Variants in MACF1 observed in about 807,000 individuals in gnomAD.
The protein encoded by MACF1 is microtubule-actin cross-linking factor 1.
A neutral mutation model predicts 854.8 loss-of-function variants in MACF1; 193 were observed. That is an observed-to-expected ratio of 0.23 (90% CI 0.20 to 0.25). The LOEUF (loss-of-function observed/expected upper bound fraction) is 0.25. Ranked by LOEUF, MACF1 falls within the 10% of genes least tolerant of loss-of-function variation. MACF1 has a pLI of 1.00. For missense variants in MACF1, 7,722 were observed against 8,929.1 expected (o/e 0.86, Z 5.45); for synonymous variants, 3,185 against 3,226.7 (o/e 0.99, Z 0.44).
Position 39,285,163 on chromosome 1 carries a change from C to T in MACF1, c.1212C>T (p.Ile404=), listed in dbSNP as rs545687843. 3 of 1,614,180 alleles carry T rather than the reference C, an allele frequency of 1.9e-6. No individual in the cohort carries two copies. In the South Asian group the frequency reaches 3.3e-5, roughly 18 times the overall value. The change falls in exon 12 of 101, where the codon ATC becomes ATT. Residue 404 remains isoleucine (I), a synonymous_variant. Coordinates refer to ENST00000564288, the MANE Select transcript of MACF1 (RefSeq NM_001394062.1). The stretch of plus-strand genomic sequence containing the variant: ...TGGAAGAAGAGTGGGGAAAGCTCAT[C>T]ATAGAGATGCTGGAACGAGAGAAAT... ...NDVEEEWGKL[I]IEMLEREKSL...
chr1:39,364,659 A>ATT (rs1648524061), intron 49 of MACF1, among the ~76,000 whole-genome samples: 1 of 151,024 alleles, frequency 6.6e-6, no homozygotes, highest in Non-Finnish European at 1.5e-5. Context: ...CGCCTGGCTA[A>ATT]TTTTTTGTAT....
chr1:39,463,684 C>A lies in MACF1; in HGVS notation c.21751C>A (p.Arg7251=). The A allele has an allele frequency of 6.2e-7, 1 of 1,611,850 alleles. No individual in the cohort carries two copies. The highest frequency in any genetic ancestry group is 1.1e-5 in the South Asian group (1 of 91,034). Residue 7251 remains arginine, a splice_region_variant and synonymous_variant, in exon 94 of 101, where the codon CGG becomes AGG. Transcript: ENST00000564288. ...GGAGCAGATCGGAGAGAATAAATAC[C>A]GGGTAAGGAAGAGAAAAAGCAGTCC... ...QVEQIGENKY[R]FFLGNQFGDS...
intron 58 of MACF1, among the ~76,000 whole-genome samples, chr1:39,389,947 C>A (rs1361074320): frequency 6.6e-6 from 1 of 152,152 alleles, no homozygotes; most frequent in Non-Finnish European, 1.5e-5. Context: ...TGCAAAAATA[C>A]TTTAATTCTT....
At chr1:39,258,193 T>C (rs1357077067) in intron 6 of MACF1, among the ~76,000 whole-genome samples, 165 bp downstream of exon 6, 1 of 152,252 alleles carries the variant, frequency 6.6e-6, no homozygotes, top group African/African-American at 2.4e-5. Flanking sequence ...GCAGACAAGC[T>C]GTTGTATCGT....
chr1:39,337,008 G>A (rs1267246134), intron 37 of MACF1, among the ~76,000 whole-genome samples, 174 bp from the exon 38 acceptor site: 1 of 152,154 alleles, frequency 6.6e-6, no homozygotes, highest in Non-Finnish European at 1.5e-5. Context: ...GAGGAAATTG[G>A]TAAAATCACC....
chr1:39,327,074 A>C, intron 35 of MACF1, 144 bp from the exon 36 acceptor site: 1 of 735,272 alleles, frequency 1.4e-6, no homozygotes, highest in Non-Finnish European at 2.1e-6. Flanking sequence ...AAACAGAAGA[A>C]CTGACTGAAA....
At chr1:39,095,151 G>A (rs180846242) in intron 2 of MACF1, among the ~76,000 whole-genome samples, 74 of 152,250 alleles carry the variant, frequency 4.9e-4, no homozygotes, top group African/African-American at 1.7e-3. Context: ...CTAACAGTGT[G>A]GAAACCCAGC....
Position 39,442,313 on chromosome 1 carries a change from A to G in MACF1, c.18941A>G (p.His6314Arg), listed in dbSNP as rs767135677. The change falls in exon 76 of 101, where the codon CAC (histidine) becomes CGC (arginine). Residue 6314 changes from histidine (H) to arginine (R), a missense_variant. By Grantham distance (29) the His-to-Arg change is conservative (BLOSUM62 0). Transcript: ENST00000564288. ...LWENLGEKIAHRQHKLEGALL... is the reference protein window; with the variant it reads ...LWENLGEKIARRQHKLEGALL... The stretch of plus-strand genomic sequence containing the variant: ...GAGAACCTGGGTGAGAAAATTGCCC[A>G]CCGACAGGTAAGGCAGGTGGTAGAT... 6.3e-7 allele frequency: 1 copy of G among 1,594,898 alleles called. No individual in the cohort carries two copies. The highest frequency in any genetic ancestry group is 8.5e-7 in the Non-Finnish European group (1 of 1,173,132).
At chr1:39,125,246 A>G (rs1642827602) in intron 2 of MACF1, among the ~76,000 whole-genome samples, 1 of 152,190 alleles carries the variant, frequency 6.6e-6, no homozygotes, top group African/African-American at 2.4e-5. Context: ...TTATCTAGGG[A>G]ATTGGTTCAA....
At chr1:39,280,069 T>A (rs2148376654) in intron 6 of MACF1, among the ~76,000 whole-genome samples, 1 of 152,158 alleles carries the variant, frequency 6.6e-6, no homozygotes, top group Non-Finnish European at 1.5e-5. Flanking sequence ...AGAATACTTT[T>A]TTTTTTTGAG....
At position 39,486,638 on chromosome 1, in the gene MACF1, A is replaced by G. The variant is rs1645103612; in HGVS notation, c.*844A>G. ...TCCACTTTTTTTGCTATTTATTTAA[A>G]TGGTCGATCAACTTCCCACAAACTG... On this transcript the variant is annotated 3_prime_UTR_variant, in exon 101 of 101. Transcript: ENST00000564288. 6.6e-6 allele frequency: 1 copy of G among 152,656 alleles called. No individual in the cohort carries two copies. The highest frequency in any genetic ancestry group is 1.5e-5 in the Non-Finnish European group (1 of 68,050). The allele number at this position is 152,656 out of a possible 1,614,324, so 9.5% of individuals were successfully genotyped here. A position where few individuals can be genotyped will look rare whatever the true frequency, so the allele number is the denominator to read the frequency against.
intron 58 of MACF1, among the ~76,000 whole-genome samples, chr1:39,406,183 T>C (rs1642692156): frequency 1.3e-5 from 2 of 152,336 alleles, no homozygotes; most frequent in East Asian, 1.9e-4. Flanking sequence ...AATTTCTCTT[T>C]AGGTTGTATT....
intron 2 of MACF1, among the ~76,000 whole-genome samples, chr1:39,128,723 T>C (rs1642925052): frequency 1.3e-5 from 2 of 152,156 alleles, no homozygotes; most frequent in African/African-American, 4.8e-5. Context: ...ATTTCTGCTA[T>C]TGCACCCTTT....
chr1:39,311,012 G>A lies in MACF1; in HGVS notation c.3270+12G>A, dbSNP rs769740084. 4 of 1,606,114 alleles carry A rather than the reference G, an allele frequency of 2.5e-6. No homozygotes were observed. The highest frequency in any genetic ancestry group is 3.4e-6 in the Non-Finnish European group (4 of 1,176,444). On this transcript the variant is annotated intron_variant, in intron 26 of 100. Transcript: ENST00000564288. ...TTGCAGAGCAAGAGGTAAGCCCTAA[G>A]AGCCATGTGGATGCTGGTTGTGGAG...
chr1:39,213,127 T>A (rs892804041), intron 1 of MACF1, among the ~76,000 whole-genome samples: 2 of 152,236 alleles, frequency 1.3e-5, no homozygotes, highest in African/African-American at 2.4e-5. Flanking sequence ...CTAGAATTTT[T>A]ATCTCTAAAA....
chr1:39,429,441 A>G, intron 64 of MACF1, 115 bp downstream of exon 64: 1 of 660,480 alleles, frequency 1.5e-6, no homozygotes, highest in Non-Finnish European at 2.7e-6. Flanking sequence ...GAAGCTTAGT[A>G]TTCACTGATT....
chr1:39,204,674 T>G (rs1261125641), upstream of MACF1: 2 of 190,818 alleles, frequency 1.0e-5, no homozygotes, highest in African/African-American at 2.3e-5. Flanking sequence ...TTATTTAAGC[T>G]GAGCAGAGGA....
intron 2 of MACF1, among the ~76,000 whole-genome samples, chr1:39,106,383 A>G (rs1642238673): frequency 6.6e-6 from 1 of 152,120 alleles, no homozygotes. Flanking sequence ...CTCTCTTGCG[A>G]GACACTTCTG....
At chr1:39,395,256 C>A (rs1642226277) in intron 58 of MACF1, among the ~76,000 whole-genome samples, 1 of 152,162 alleles carries the variant, frequency 6.6e-6, no homozygotes, top group Non-Finnish European at 1.5e-5. Context: ...GGCAGAATTA[C>A]CCTCTGTTGA....
Sources: allele counts gnomAD v4.1 joint callset (sites outside exome capture counted in the v4.1 genomes callset), GRCh38; gene constraint gnomAD v4.1.1; transcripts MANE v1.5; gene names NCBI Gene and HGNC (gene_info 2026-07-23, HGNC 2026-07-21).